Variants in RPAP3 observed in about 807,000 individuals in gnomAD.
RPAP3 encodes the protein RNA polymerase II associated protein 3.
Under a neutral mutation model 88.8 loss-of-function variants are expected in RPAP3, and 58 were observed. The ratio of observed to expected loss-of-function variants is 0.65; its 90% CI spans 0.53 to 0.81. The LOEUF is 0.81. Ranked by LOEUF, RPAP3 falls within the 40% of genes least tolerant of loss-of-function variation. The pLI, the probability that RPAP3 is intolerant of heterozygous loss-of-function variation, is 0.00. For missense variants in RPAP3, 751 were observed against 764.3 expected, an observed-to-expected ratio of 0.98 and a Z score of 0.20; for synonymous variants, 255 against 259.9, an observed-to-expected ratio of 0.98 and a Z score of 0.18.
chr12:47,702,944 C>T, intron 1 of RPAP3, 98 bp from the exon 2 acceptor site: 2 of 858,518 alleles, frequency 2.3e-6, no homozygotes, highest in Non-Finnish European at 3.4e-6. Flanking sequence ...TCATAAGTGG[C>T]CAAGATACAT....
intron 3 of RPAP3, among the ~76,000 whole-genome samples, chr12:47,698,509 GATTTT>G (rs1312673109): frequency 6.6e-6 from 1 of 152,000 alleles, no homozygotes; most frequent in East Asian, 1.9e-4. Context: ...TTTTTAGTAA[GATTTT>G]ATTTTTATTT....
rs1939561473 is a variant in RPAP3 at position 47,697,692 on chromosome 12, C to T, written c.322G>A (p.Asp108Asn). 1.9e-6 allele frequency: 3 copies of T among 1,605,556 alleles called. No homozygotes were observed. Among genetic ancestry groups the T allele is most frequent in the Non-Finnish European group, 2.5e-6 (3 of 1,176,832 alleles). Residue 108 changes from aspartate to asparagine, a missense_variant, in exon 4 of 17, where the codon GAC becomes AAC. By Grantham distance (23) the Asp-to-Asn change is conservative. Transcript: ENST00000005386. ...VDRILDELDK[D>N]DSTHESLSQE... ...GACAGAGACTCATGGGTACTATCGT[C>T]TTTGTCAAGCTCATCAAGGATACGG...
At chr12:47,695,999 T>A (rs554240037) in intron 5 of RPAP3, 19 of 245,106 alleles carry the variant, frequency 7.8e-5, no homozygotes, top group African/African-American at 4.2e-4. Context: ...AACTAACTTT[T>A]TTAGCTTTGT....
At chr12:47,704,687 A>G (rs1939741357) in intron 1 of RPAP3, among the ~76,000 whole-genome samples, 1 of 150,958 alleles carries the variant, frequency 6.6e-6, no homozygotes. Flanking sequence ...CTCTATTTAG[A>G]GTTTCAATAA....
In RPAP3 at chr12:47,686,808, T is replaced by C. The variant is rs1329010230; in HGVS notation, c.964A>G (p.Arg322Gly). 1 of 1,603,964 alleles carries C rather than the reference T, an allele frequency of 6.2e-7. No homozygotes were observed. Among genetic ancestry groups the C allele is most frequent in the Non-Finnish European group, 8.5e-7 (1 of 1,176,130 alleles). ...TGAATCTTCAGATAGGCCATAGCTC[T>C]GTTAGCTGGAAGAAGGGCATTAGCA... ...DGANALLPAN[R>G]AMAYLKIQKY... The change falls in exon 9 of 17, where the codon AGA becomes GGA. Residue 322 changes from arginine (R) to glycine (G), a missense_variant. Arg to Gly is a moderately radical substitution (Grantham distance 125). Transcript: ENST00000005386.
Position 47,676,935 on chromosome 12 carries a change from C to CA in RPAP3, c.1287+2557dup, listed in dbSNP as rs541855050. On this transcript the variant is annotated intron_variant, in intron 12 of 16. Transcript: ENST00000005386. ...ATACCAAAGCCTGGCAAAGACACAA[C>CA]AAAAAAAAGAGAATTTTAGACCAAT... Among the ~76,000 whole-genome samples, 738 of 151,650 alleles carry CA rather than the reference C, an allele frequency of 4.9e-3. 9 individuals are homozygous for CA. The highest frequency in any genetic ancestry group is 0.017 in the African/African-American group (712 of 41,340).
At chr12:47,688,041 T>C (rs761666261) in intron 7 of RPAP3, 40 bp from the exon 8 acceptor site, 1 of 1,570,998 alleles carries the variant, frequency 6.4e-7, no homozygotes, top group Admixed American at 1.9e-5. Flanking sequence ...AACAAAGTAA[T>C]GCAAGATGCA....
intron 12 of RPAP3, among the ~76,000 whole-genome samples, chr12:47,673,485 T>G (rs1267632899): frequency 6.7e-6 from 1 of 149,872 alleles, no homozygotes; most frequent in African/African-American, 2.5e-5. Context: ...ACAGTCATAT[T>G]AAATGCACTG....
chr12:47,681,532 G>A lies in RPAP3; in HGVS notation c.1114+164C>T, dbSNP rs115886963. 7.6e-3 allele frequency among the ~76,000 whole-genome samples: 1,155 copies of A among 152,294 alleles called. 11 individuals carry two copies. The highest frequency in any genetic ancestry group is 0.026 in the African/African-American group (1,077 of 41,566). On this transcript the variant is annotated intron_variant, in intron 10 of 16. Transcript: ENST00000005386. ...ACAAAAAGATAATCTGGTACATTGC[G>A]GAAGCTGCATTCCTCCAAATCTATT...
chr12:47,697,332 G>A lies in RPAP3; in HGVS notation c.417+265C>T, dbSNP rs117397073. On this transcript the variant is annotated intron_variant, in intron 4 of 16. Coordinates refer to ENST00000005386, the MANE Select transcript of RPAP3 (RefSeq NM_024604.3). ...CACTTACTACCCATAAGAACCCGTT[G>A]AGGTTGGTAATATTATCATTTTGCA... 4.0e-3 allele frequency among the ~76,000 whole-genome samples: 615 copies of A among 152,252 alleles called. 3 individuals carry two copies. Among genetic ancestry groups the A allele is most frequent in the Non-Finnish European group, 7.1e-3 (486 of 68,028 alleles).
At chr12:47,690,170 T>G (rs970607611) in intron 6 of RPAP3, among the ~76,000 whole-genome samples, 5 of 152,148 alleles carry the variant, frequency 3.3e-5, no homozygotes, top group Non-Finnish European at 7.3e-5. Flanking sequence ...TTAGAATTTA[T>G]AAGTGAACAA....
At chr12:47,700,377 G>C (rs755673918) in intron 3 of RPAP3, among the ~76,000 whole-genome samples, 1 of 152,142 alleles carries the variant, frequency 6.6e-6, no homozygotes, top group Non-Finnish European at 1.5e-5. Flanking sequence ...TTCTCTTTAA[G>C]TTAGATGGTA....
At position 47,661,896 on chromosome 12, in the gene RPAP3, T is replaced by A. The variant is rs1448465646; in HGVS notation, c.*1609A>T. The A allele has an allele frequency of 6.6e-6, 1 of 152,214 alleles. No individual in the cohort carries two copies. Among genetic ancestry groups the A allele is most frequent in the Non-Finnish European group, 1.5e-5 (1 of 68,042 alleles). The allele number at this position is 152,214 out of a possible 1,614,324, so 9.4% of individuals were successfully genotyped here. A position where few individuals can be genotyped will look rare whatever the true frequency, so the allele number is the denominator to read the frequency against. ...GTTTCTTCAAAGGATCATACCGTAG[T>A]CCATTCGGGTTGCTATAATAAAATA... is the stretch of plus-strand genomic sequence containing the variant. On this transcript the variant is annotated 3_prime_UTR_variant, in exon 17 of 17. Coordinates refer to ENST00000005386, the MANE Select transcript of RPAP3 (RefSeq NM_024604.3).
At chr12:47,686,046 CAACATACAGCTAA>C (rs1939314373) in intron 9 of RPAP3, among the ~76,000 whole-genome samples, 1 of 152,186 alleles carries the variant, frequency 6.6e-6, no homozygotes, top group African/African-American at 2.4e-5. Flanking sequence ...GAGAAGCGTT[CAACATACAGCTAA>C]AGGGGAATTC....
intron 16 of RPAP3, among the ~76,000 whole-genome samples, 198 bp downstream of exon 16, chr12:47,666,782 T>C (rs970450466): frequency 6.6e-6 from 1 of 152,230 alleles, no homozygotes; most frequent in Admixed American, 6.5e-5. Flanking sequence ...TTGTCAGGAC[T>C]AACAAAACAA....
At chr12:47,668,717 C>T (rs1424850049) in intron 14 of RPAP3, among the ~76,000 whole-genome samples, 199 bp downstream of exon 14, 2 of 152,112 alleles carry the variant, frequency 1.3e-5, no homozygotes, top group Non-Finnish European at 2.9e-5. Flanking sequence ...TAGAATTTGA[C>T]ATAGAATCTA....
At chr12:47,672,495 G>A (rs575286573) in intron 12 of RPAP3, among the ~76,000 whole-genome samples, 13 of 152,194 alleles carry the variant, frequency 8.5e-5, no homozygotes, top group Middle Eastern at 3.4e-3. Context: ...CTCAATTTAC[G>A]GAGAAAAAGT....
intron 12 of RPAP3, among the ~76,000 whole-genome samples, chr12:47,675,490 C>G (rs1231649832): frequency 6.6e-6 from 1 of 152,098 alleles, no homozygotes; most frequent in Non-Finnish European, 1.5e-5. Context: ...GTGCTGCATT[C>G]AGGAGACCCA....
chr12:47,666,772 T>C (rs1938882446), intron 16 of RPAP3, among the ~76,000 whole-genome samples: 1 of 152,176 alleles, frequency 6.6e-6, no homozygotes, highest in South Asian at 2.1e-4. Flanking sequence ...CTTCATAATA[T>C]TGTCAGGACT....
Sources: allele counts gnomAD v4.1 joint callset (sites outside exome capture counted in the v4.1 genomes callset), GRCh38; gene constraint gnomAD v4.1.1; transcripts MANE v1.5; gene names NCBI Gene and HGNC (gene_info 2026-07-23, HGNC 2026-07-21).